DCAF10: variants seen among roughly 807,000 people sequenced by gnomAD.
The protein encoded by DCAF10 is DDB1 and CUL4 associated factor 10.
DCAF10 carries 19 observed loss-of-function variants against 51.9 expected under a neutral mutation model. The observed-to-expected ratio is 0.37, with a 90% confidence interval of 0.26 to 0.54. DCAF10 has a LOEUF of 0.54. Among genes scored for constraint, DCAF10 ranks in the 20% least tolerant of loss-of-function variants. The pLI is 0.87. For synonymous variants in DCAF10, 291 were observed against 297.1 expected, an observed-to-expected ratio of 0.98 and a Z score of 0.21; for missense variants, 510 against 730.6, an observed-to-expected ratio of 0.70 and a Z score of 3.48.
chr9:37,800,583 ACT>A, upstream of DCAF10: 1 of 1,536,100 alleles, frequency 6.5e-7, no homozygotes, highest in East Asian at 2.4e-5. Context: ...GCCACCGGTC[ACT>A]GACAACTACA....
rs1274983288 is a variant in DCAF10 at position 37,834,316 on chromosome 9, A to G, written c.654-7773A>G. Among the ~76,000 whole-genome samples, 5 of 152,238 alleles carry G rather than the reference A, an allele frequency of 3.3e-5. No homozygotes were observed. The South Asian group carries it at 6.2e-4, about 19-fold the overall frequency. ...TTAATAAGTAATATTTTGAGGCAAA[A>G]ATGAGCCAATTAAAGTCAAAGTATT... On this transcript the variant is annotated intron_variant, in intron 2 of 6. Coordinates refer to ENST00000377724, the MANE Select transcript of DCAF10 (RefSeq NM_024345.5).
chr9:37,836,037 C>T (rs1830154960), intron 2 of DCAF10: 6 of 1,073,948 alleles, frequency 5.6e-6, no homozygotes, highest in South Asian at 3.7e-5. Context: ...CCGTCCGCGC[C>T]GCCACGGTAA....
At chr9:37,814,204 T>C (rs1829457471) in intron 1 of DCAF10, among the ~76,000 whole-genome samples, 1 of 144,608 alleles carries the variant, frequency 6.9e-6, no homozygotes, top group Non-Finnish European at 1.5e-5. Flanking sequence ...AATGGCACGA[T>C]CTCAGGTTAC....
chr9:37,809,772 G>T (rs955444643), intron 1 of DCAF10, among the ~76,000 whole-genome samples: 7 of 152,216 alleles, frequency 4.6e-5, no homozygotes, highest in African/African-American at 1.7e-4. Context: ...GGCGGAGGTT[G>T]CAGTGAGCCA....
At chr9:37,838,282 CA>C (rs1450174766) in intron 2 of DCAF10, among the ~76,000 whole-genome samples, 3 of 151,862 alleles carry the variant, frequency 2.0e-5, no homozygotes, top group African/African-American at 7.3e-5. Context: ...CAACTTAAAA[CA>C]AGATGATTTT....
At chr9:37,860,400 G>A in intron 6 of DCAF10, 1 of 575,422 alleles carries the variant, frequency 1.7e-6, no homozygotes, top group Non-Finnish European at 2.7e-6. Context: ...TTCCTCTCCT[G>A]CTGGGGTTGA....
intron 2 of DCAF10, among the ~76,000 whole-genome samples, chr9:37,824,613 G>T (rs924440985): frequency 9.9e-5 from 15 of 151,032 alleles, no homozygotes; most frequent in African/African-American, 3.2e-4. Flanking sequence ...AAAATGAGAA[G>T]TAGAAAGAGT....
At position 37,801,163 on chromosome 9, in the gene DCAF10, G is replaced by C. The variant is rs1184666082; in HGVS notation, c.297G>C (p.Gly99=). 6.5e-7 allele frequency: 1 copy of C among 1,538,622 alleles called. No homozygotes were observed. The highest frequency in any genetic ancestry group is 8.7e-7 in the Non-Finnish European group (1 of 1,144,436). The change falls in exon 1 of 7, where the codon GGG becomes GGC. Residue 99 remains glycine, a synonymous_variant. Transcript: ENST00000377724. This position sits in a 1 kb window ranked among gnomAD's most constrained non-coding sequence, Gnocchi z 5.5. The part of the protein sequence containing the change: ...SPPSPPCRRP[G]PDCRAKSRGR... ...CCTCCCCTCCGTGCCGGCGGCCCGGGCCAGACTGCAGGGCCAAGAGCCGGG... is the reference window on the plus strand; with the variant it reads ...CCTCCCCTCCGTGCCGGCGGCCCGGCCCAGACTGCAGGGCCAAGAGCCGGG...
At position 37,800,855 on chromosome 9, in the gene DCAF10, G is replaced by C; in HGVS notation, c.-12G>C. On this transcript the variant is annotated 5_prime_UTR_variant, in exon 1 of 7. Coordinates refer to ENST00000377724, the MANE Select transcript of DCAF10 (RefSeq NM_024345.5). ...GGGCAGTGGCCCGGAGCGGGGGGCGGGGGCGTTGATCATGTTTCCCTTTGG... is the reference window on the plus strand; with the variant it reads ...GGGCAGTGGCCCGGAGCGGGGGGCGCGGGCGTTGATCATGTTTCCCTTTGG... 6.7e-7 allele frequency: 1 copy of C among 1,487,606 alleles called. No homozygotes were observed. The highest frequency in any genetic ancestry group is 1.3e-5 in the South Asian group (1 of 75,522). The allele number at this position is 1,487,606 out of a possible 1,614,324, so 92.2% of individuals were successfully genotyped here. A position where few individuals can be genotyped will look rare whatever the true frequency, so the allele number is the denominator to read the frequency against.
intron 2 of DCAF10, among the ~76,000 whole-genome samples, chr9:37,832,552 T>G (rs1425305544): frequency 6.6e-6 from 1 of 152,250 alleles, no homozygotes; most frequent in African/African-American, 2.4e-5. Context: ...ATTGTTAAAT[T>G]TCAAACTATA....
At chr9:37,811,260 C>T (rs921476914) in intron 1 of DCAF10, among the ~76,000 whole-genome samples, 1 of 151,636 alleles carries the variant, frequency 6.6e-6, no homozygotes, top group East Asian at 1.9e-4. Flanking sequence ...TAAGCCCAGG[C>T]GTTTGAGGTT....
In DCAF10 at chr9:37,866,125, C is replaced by A. The variant is rs1273151392; in HGVS notation, c.*4617C>A. ...GCTGTGAAAATTCACTCAGTGATAC[C>A]CCGTGTTGGTCTTGAAGGAAACCGT... On this transcript the variant is annotated 3_prime_UTR_variant, in exon 7 of 7. Transcript: ENST00000377724. 6.6e-6 allele frequency: 1 copy of A among 152,494 alleles called. No individual in the cohort carries two copies. The highest frequency in any genetic ancestry group is 1.5e-5 in the Non-Finnish European group (1 of 68,000). 9.4% of individuals were successfully genotyped at this position (152,494 alleles called of 1,614,324 possible). A position where few individuals can be genotyped will look rare whatever the true frequency, so the allele number is the denominator to read the frequency against.
At chr9:37,852,930 TTATATATATATATATA>T (rs59469290) in intron 3 of DCAF10, among the ~76,000 whole-genome samples, 1,956 of 109,810 alleles carry the variant, frequency 0.018, 60 homozygotes, top group Middle Eastern at 0.034. Context: ...GTATGTGAGG[TTATATATATATATATA>T]TATATATATA....
rs1376583602 is a variant in DCAF10 at position 37,863,944 on chromosome 9, A to G, written c.*2436A>G. The stretch of plus-strand genomic sequence containing the variant: ...GTCACTGAGAAAATTATCACAAAGC[A>G]CAGTAAATACATATACTTACCATAC... On this transcript the variant is annotated 3_prime_UTR_variant, in exon 7 of 7. Transcript: ENST00000377724. The G allele has an allele frequency of 6.6e-6, 1 of 152,216 alleles. No individual in the cohort carries two copies. Among genetic ancestry groups the G allele is most frequent in the Non-Finnish European group, 1.5e-5 (1 of 68,040 alleles). The allele number at this position is 152,216 out of a possible 1,614,324, so 9.4% of individuals were successfully genotyped here.
In DCAF10 at chr9:37,857,292, G is replaced by T; in HGVS notation, c.1106G>T (p.Cys369Phe). Residue 369 changes from cysteine to phenylalanine, a missense_variant, in exon 5 of 7, where the codon TGT becomes TTT. Cys to Phe is a radical substitution (Grantham distance 205, BLOSUM62 -2). Coordinates refer to ENST00000377724, the MANE Select transcript of DCAF10 (RefSeq NM_024345.5). Reference protein sequence around the residue: ...SSGPRVSGSPCHHSDSNSSEK... With the variant: ...SSGPRVSGSPFHHSDSNSSEK... ...GGTCCTAGAGTTTCTGGCTCACCTT[G>T]TCATCATAGTGATTCTAATTCTTCT... The T allele has an allele frequency of 6.2e-7, 1 of 1,611,020 alleles. No individual in the cohort carries two copies. The highest frequency in any genetic ancestry group is 1.1e-5 in the South Asian group (1 of 90,432).
intron 2 of DCAF10, among the ~76,000 whole-genome samples, chr9:37,822,036 T>A (rs1829718371): frequency 6.6e-6 from 1 of 152,162 alleles, no homozygotes; most frequent in Non-Finnish European, 1.5e-5. Context: ...TCACTAATGA[T>A]CAGGGAAATG....
At chr9:37,809,664 C>G (rs994637620) in intron 1 of DCAF10, among the ~76,000 whole-genome samples, 1 of 147,064 alleles carries the variant, frequency 6.8e-6, no homozygotes, top group African/African-American at 2.5e-5. Context: ...GAAGCCCTGA[C>G]TCTACTCAAA....
At position 37,832,108 on chromosome 9, in the gene DCAF10, C is replaced by G. The variant is rs550081067; in HGVS notation, c.654-9981C>G. ...GCGGGTGCCTGTAATCCCAGCTACTCAGGAGGCTGAGGCAGGAGAATCGCT... is the reference window on the plus strand; with the variant it reads ...GCGGGTGCCTGTAATCCCAGCTACTGAGGAGGCTGAGGCAGGAGAATCGCT... On this transcript the variant is annotated intron_variant, in intron 2 of 6. Transcript: ENST00000377724. The G allele has an allele frequency of 1.7e-3, 245 of 146,956 alleles. 1 individual carries two copies. Among genetic ancestry groups the G allele is most frequent in the African/African-American group, 5.4e-3 (216 of 39,716 alleles). The allele number at this position is 146,956 out of a possible 1,614,324, so 9.1% of individuals were successfully genotyped here. A position where few individuals can be genotyped will look rare whatever the true frequency, so the allele number is the denominator to read the frequency against.
rs562664553 is a variant in DCAF10 at position 37,829,381 on chromosome 9, G to A, written c.653+9980G>A. The stretch of plus-strand genomic sequence containing the variant: ...CTTGAACCCGGGAGGCGGAGGTTGC[G>A]GTGAGCCAAGATTGTGCCATTGCAT... On this transcript the variant is annotated intron_variant, in intron 2 of 6. Transcript: ENST00000377724. The surrounding 1 kb of genome is among the most constrained non-coding windows in gnomAD (Gnocchi z 4.2). Among the ~76,000 whole-genome samples, 3 of 152,100 alleles carry A rather than the reference G, an allele frequency of 2.0e-5. No homozygotes were observed. Among genetic ancestry groups the A allele is most frequent in the Non-Finnish European group, 2.9e-5 (2 of 68,002 alleles).
Sources: gnomAD v4.1 joint callset for allele counts (sites outside exome capture counted in the v4.1 genomes callset) on GRCh38, gnomAD v4.1.1 for gene constraint, Gnocchi (gnomAD v3.1) non-coding constraint, MANE v1.5 for transcripts, NCBI Gene and HGNC (gene_info 2026-07-23, HGNC 2026-07-21) for gene names.